The following ZSCAN31 variants were observed in gnomAD, a reference collection of about 807,000 sequenced individuals.
ZSCAN31 encodes the protein zinc finger and SCAN domain-containing protein 31.
In ZSCAN31, 14 loss-of-function variants were observed where a neutral mutation model predicts 22.5. The observed-to-expected ratio is 0.62, with a 90% confidence interval of 0.41 to 0.97. The LOEUF (loss-of-function observed/expected upper bound fraction) is 0.97, where lower values mean the gene tolerates loss of function less well. ZSCAN31 is among the 50% of genes least tolerant of loss of function. The pLI, the probability that ZSCAN31 is intolerant of heterozygous loss-of-function variation, is 0.00. For missense variants in ZSCAN31, 424 were observed against 483.4 expected, an observed-to-expected ratio of 0.88 and a Z score of 1.15; for synonymous variants, 168 against 169.8, an observed-to-expected ratio of 0.99 and a Z score of 0.08.
chr6:28,348,116 C>T (rs565935331), intron 2 of ZSCAN31, among the ~76,000 whole-genome samples: 7 of 152,062 alleles, frequency 4.6e-5, no homozygotes, highest in Non-Finnish European at 8.8e-5. Flanking sequence ...ATTCAGTGGA[C>T]TGATCCTTTG....
At chr6:28,353,722 C>A (rs1306676603) in intron 2 of ZSCAN31, 3 of 416,576 alleles carry the variant, frequency 7.2e-6, no homozygotes, top group South Asian at 3.5e-5. Flanking sequence ...TAAAACCTTG[C>A]GAGTGATTAA....
Position 28,326,058 on chromosome 6 carries a change from G to A in ZSCAN31, c.*108C>T. 9.8e-7 allele frequency: 1 copy of A among 1,023,154 alleles called. No individual in the cohort carries two copies. Among genetic ancestry groups the A allele is most frequent in the Non-Finnish European group, 1.4e-6 (1 of 699,902 alleles). 63.4% of individuals were successfully genotyped at this position (1,023,154 alleles called of 1,614,324 possible). ...TACTTTCCAAGACGGCCCCATTTAGGGGTCTGAGGGTCCACAGAATTAGTC... is the reference window on the plus strand; with the variant it reads ...TACTTTCCAAGACGGCCCCATTTAGAGGTCTGAGGGTCCACAGAATTAGTC... On this transcript the variant is annotated 3_prime_UTR_variant, in exon 4 of 4. Coordinates refer to ENST00000344279, the MANE Select transcript of ZSCAN31 (RefSeq NM_030899.5).
chr6:28,341,209 T>G (rs1427321803), intron 3 of ZSCAN31, among the ~76,000 whole-genome samples: 1 of 152,204 alleles, frequency 6.6e-6, no homozygotes, highest in East Asian at 1.9e-4. Flanking sequence ...AACAGCTACA[T>G]TGAAATTTCA....
At chr6:28,336,671 G>A (rs1764188398), upstream of ZSCAN31, 1 of 152,206 alleles carries the variant, frequency 6.6e-6, no homozygotes, top group Non-Finnish European at 1.5e-5. Context: ...TTGAAGCTAT[G>A]GACGGGGTTG....
At chr6:28,353,820 C>G (rs1297257870) in intron 2 of ZSCAN31, 1 of 456,944 alleles carries the variant, frequency 2.2e-6, no homozygotes, top group Admixed American at 2.3e-5. Flanking sequence ...AAAAGAAAGA[C>G]CAGTGAATTA....
rs1763935991 is a variant in ZSCAN31, at chr6:28,333,765, G to A, written c.-96+2317C>T. On this transcript the variant is annotated intron_variant, in intron 1 of 3. Coordinates refer to ENST00000344279, the MANE Select transcript of ZSCAN31 (RefSeq NM_030899.5). This position sits in a 1 kb window ranked among gnomAD's most constrained non-coding sequence, Gnocchi z 4.1. ...GAGAAGAGTGGCAAAATATTAGGCT[G>A]GCAAGCCAAGCAGGAGTCAGATCAT... Among the ~76,000 whole-genome samples the A allele has an allele frequency of 6.6e-6, 1 of 152,120 alleles. No homozygotes were observed. The highest frequency in any genetic ancestry group is 2.4e-5 in the African/African-American group (1 of 41,408).
At chr6:28,346,188 A>G (rs1764634206) in intron 2 of ZSCAN31, among the ~76,000 whole-genome samples, 1 of 152,086 alleles carries the variant, frequency 6.6e-6, no homozygotes. Flanking sequence ...ATCAGCACAC[A>G]AGAAGAGGAG....
intron 2 of ZSCAN31, among the ~76,000 whole-genome samples, chr6:28,328,605 A>C (rs1763494215): frequency 6.6e-6 from 1 of 152,182 alleles, no homozygotes; most frequent in Non-Finnish European, 1.5e-5. Flanking sequence ...TATTGCTCAA[A>C]CACACACGCT....
chr6:28,326,877 C>T (rs1368449755), intron 3 of ZSCAN31, 23 bp from the exon 4 acceptor site: 3 of 1,558,240 alleles, frequency 1.9e-6, no homozygotes, highest in African/African-American at 1.4e-5. Context: ...ATGGACCAAA[C>T]AATGTAATCT....
upstream of ZSCAN31, among the ~76,000 whole-genome samples, chr6:28,339,034 G>A (rs1336477613): frequency 6.6e-6 from 1 of 152,090 alleles, no homozygotes; most frequent in Non-Finnish European, 1.5e-5. Context: ...TGATGTCTTT[G>A]TCAATATCAG....
At chr6:28,336,926 C>T (rs1288231188), upstream of ZSCAN31, 1 of 152,170 alleles carries the variant, frequency 6.6e-6, no homozygotes. Context: ...AAACCTCTGT[C>T]TTCTGGAATC....
chr6:28,327,350 A>G (rs765706763), intron 3 of ZSCAN31, 33 bp downstream of exon 3: 1 of 1,612,940 alleles, frequency 6.2e-7, no homozygotes, highest in Non-Finnish European at 8.5e-7. Context: ...GACCCACCAG[A>G]GATCTCCTGA....
chr6:28,341,740 T>C (rs1036853035), intron 3 of ZSCAN31: 3 of 152,254 alleles, frequency 2.0e-5, no homozygotes, highest in African/African-American at 7.2e-5. Context: ...CTGGTTTCTA[T>C]CTTACCTCAT....
chr6:28,331,125 T>C lies in ZSCAN31; in HGVS notation c.-95-1347A>G, dbSNP rs1030336650. ...GGCTTAGACGTTAGACTTGACTTTA[T>C]GGAAAACTGAGAGGCATCAAGGCTT... On this transcript the variant is annotated intron_variant, in intron 1 of 3. Transcript: ENST00000344279. This position sits in a 1 kb window ranked among gnomAD's most constrained non-coding sequence, Gnocchi z 4.8. Among the ~76,000 whole-genome samples the C allele has an allele frequency of 2.0e-5, 3 of 152,194 alleles. No homozygotes were observed. Among genetic ancestry groups the C allele is most frequent in the Non-Finnish European group, 4.4e-5 (3 of 68,016 alleles).
At chr6:28,345,144 CA>C (rs60598517) in intron 2 of ZSCAN31, among the ~76,000 whole-genome samples, 24,879 of 93,322 alleles carry the variant, frequency 0.27, 2,031 homozygotes, top group African/African-American at 0.35. Context: ...AACTGTGTCT[CA>C]AAAAAAAAAA....
intron 2 of ZSCAN31, among the ~76,000 whole-genome samples, chr6:28,343,929 G>A (rs1056803552): frequency 7.2e-5 from 11 of 152,130 alleles, no homozygotes; most frequent in African/African-American, 2.7e-4. Flanking sequence ...TCTTAGAAAG[G>A]AGGAACAAAA....
At chr6:28,345,144 C>CAAA (rs60598517) in intron 2 of ZSCAN31, among the ~76,000 whole-genome samples, 111 of 93,632 alleles carry the variant, frequency 1.2e-3, no homozygotes, top group Admixed American at 2.7e-3. Flanking sequence ...AACTGTGTCT[C>CAAA]AAAAAAAAAA....
rs1165181278 is a variant in ZSCAN31 at position 28,351,771 on chromosome 6, C to T, written c.-371+2091G>A. Among the ~76,000 whole-genome samples the T allele has an allele frequency of 6.6e-6, 1 of 150,958 alleles. No homozygotes were observed. The highest frequency in any genetic ancestry group is 6.6e-5 in the Admixed American group (1 of 15,106). On this transcript the variant is annotated intron_variant, in intron 2 of 7. Transcript: ENST00000396838. The surrounding 1 kb of genome is among the most constrained non-coding windows in gnomAD (Gnocchi z 4.6). Reference sequence around the variant, plus strand: ...CTTTATCTCTTTTTTTTCCTCATTTCGTCCCTCTCTTCTCTTTCATTTTAT... The same window carrying T: ...CTTTATCTCTTTTTTTTCCTCATTTTGTCCCTCTCTTCTCTTTCATTTTAT...
Position 28,326,489 on chromosome 6 carries a change from A to C in ZSCAN31, c.898T>G (p.Cys300Gly). Residue 300 changes from cysteine (C) to glycine (G), a missense_variant, in exon 4 of 4, where the codon TGT becomes GGT. Physicochemically the swap from Cys to Gly is radical, Grantham distance 159. Transcript: ENST00000344279. ...TGEKPYQCKE[C>G]GKAFSASNGL... ...TTGCTGGCACTGAAGGCTTTCCCAC[A>C]CTCCTTACATTGATAGGGTTTCTCT... 6.8e-6 allele frequency: 11 copies of C among 1,613,978 alleles called. No individual in the cohort carries two copies. Among genetic ancestry groups the C allele is most frequent in the Non-Finnish European group, 9.3e-6 (11 of 1,180,026 alleles).
Sources: gnomAD v4.1 joint callset for allele counts (sites outside exome capture counted in the v4.1 genomes callset) on GRCh38, gnomAD v4.1.1 for gene constraint, Gnocchi (gnomAD v3.1) non-coding constraint, MANE v1.5 for transcripts, NCBI Gene and HGNC (gene_info 2026-07-23, HGNC 2026-07-21) for gene names.